ORC3: variants seen among roughly 807,000 people sequenced by gnomAD.
ORC3 encodes the protein origin recognition complex subunit 3.
Under a neutral mutation model 100.7 loss-of-function variants are expected in ORC3, and 78 were observed. The observed-to-expected ratio is 0.77, with a 90% confidence interval of 0.65 to 0.94. ORC3 has a LOEUF of 0.94. Among genes scored for constraint, ORC3 ranks in the 40% least tolerant of loss-of-function variants. The pLI, the probability that ORC3 is intolerant of heterozygous loss-of-function variation, is 0.00. For synonymous variants in ORC3, 295 were observed against 289.3 expected (o/e 1.02, Z -0.20); for missense variants, 789 against 823.9 (o/e 0.96, Z 0.52).
rs1777437921 is a variant in ORC3 at position 87,596,301 on chromosome 6, T to C, written c.79+1894T>C. Among the ~76,000 whole-genome samples, 2 of 152,002 alleles carry C rather than the reference T, an allele frequency of 1.3e-5. 1 individual carries two copies. The highest frequency in any genetic ancestry group is 4.1e-4 in the South Asian group (2 of 4,822). On this transcript the variant is annotated intron_variant, in intron 2 of 19. Transcript: ENST00000392844. ...GGCATGCGCCACAATGCCTGGCTAA[T>C]TTTTGTATTTTTTAGTAGAGATCGG... is the stretch of plus-strand genomic sequence containing the variant.
chr6:87,675,724 T>C, the ORC3 span: 1 of 1,469,074 alleles, frequency 6.8e-7, no homozygotes, highest in Non-Finnish European at 9.4e-7. Context: ...ACTTGCAAAG[T>C]TATGCTGCCT....
At chr6:87,637,444 T>C (rs1767910371) in intron 13 of ORC3, among the ~76,000 whole-genome samples, 1 of 152,246 alleles carries the variant, frequency 6.6e-6, no homozygotes. Context: ...ATTTCATTTT[T>C]TAAAATCCCA....
intron 2 of ORC3, among the ~76,000 whole-genome samples, chr6:87,600,288 A>G (rs574851492): frequency 6.6e-6 from 1 of 152,332 alleles, no homozygotes; most frequent in Non-Finnish European, 1.5e-5. Flanking sequence ...AACAAGAAAT[A>G]TGAGGGAAAG....
At chr6:87,597,562 A>G (rs1198558377) in intron 2 of ORC3, among the ~76,000 whole-genome samples, 1 of 152,166 alleles carries the variant, frequency 6.6e-6, no homozygotes, top group Non-Finnish European at 1.5e-5. Flanking sequence ...GGAATTAAGC[A>G]TACCCATGTA....
chr6:87,634,572 G>C (rs1767669598), intron 11 of ORC3, among the ~76,000 whole-genome samples: 1 of 152,320 alleles, frequency 6.6e-6, no homozygotes, highest in African/African-American at 2.4e-5. Context: ...TGTAATTTTG[G>C]TGGCCAAAGT....
intron 1 of ORC3, among the ~76,000 whole-genome samples, chr6:87,592,655 G>C (rs552628592): frequency 1.3e-5 from 2 of 151,868 alleles, no homozygotes; most frequent in Admixed American, 1.3e-4. Flanking sequence ...AGAATCTAAG[G>C]CACAGTTCTT....
chr6:87,673,178 T>G, the ORC3 span, among the ~76,000 whole-genome samples: 2 of 66,430 alleles, frequency 3.0e-5, no homozygotes, highest in African/African-American at 1.4e-4. Flanking sequence ...TTTTTTTTTT[T>G]GAGACAGAGT....
chr6:87,666,409 T>C (rs1199388873), intron 19 of ORC3, among the ~76,000 whole-genome samples: 3 of 149,218 alleles, frequency 2.0e-5, no homozygotes, highest in East Asian at 2.0e-4. Flanking sequence ...GGATTATAGG[T>C]GTGAGCCACC....
intron 9 of ORC3, among the ~76,000 whole-genome samples, chr6:87,618,906 G>T (rs867357218): frequency 6.7e-4 from 102 of 152,146 alleles, no homozygotes; most frequent in African/African-American, 2.3e-3. Context: ...AAAGAGCAAG[G>T]TTGTTGTGAG....
downstream of ORC3, among the ~76,000 whole-genome samples, chr6:87,667,804 C>CT (rs1439558024): frequency 6.6e-6 from 1 of 152,072 alleles, no homozygotes; most frequent in African/African-American, 2.4e-5. Context: ...TGGCACATGC[C>CT]TGTAGTCCCA....
intron 13 of ORC3, among the ~76,000 whole-genome samples, chr6:87,649,606 C>T (rs898135837): frequency 2.6e-5 from 4 of 152,062 alleles, no homozygotes; most frequent in African/African-American, 9.7e-5. Context: ...AATTAGCCGG[C>T]GTGGCAGTGC....
At chr6:87,624,215 GGCTCACTCCT>G (rs1779730330) in intron 11 of ORC3, among the ~76,000 whole-genome samples, 1 of 152,166 alleles carries the variant, frequency 6.6e-6, no homozygotes, top group Non-Finnish European at 1.5e-5. Flanking sequence ...CAGGCACGGT[GGCTCACTCCT>G]GTAATCCCAG....
chr6:87,607,015 A>T (rs1042686929), intron 5 of ORC3, among the ~76,000 whole-genome samples: 1 of 152,210 alleles, frequency 6.6e-6, no homozygotes, highest in East Asian at 1.9e-4. Flanking sequence ...TTCATATGAC[A>T]CTTGATTTTT....
At chr6:87,637,150 T>C (rs1006963091) in intron 13 of ORC3, among the ~76,000 whole-genome samples, 8 of 152,200 alleles carry the variant, frequency 5.3e-5, no homozygotes, top group African/African-American at 1.9e-4. Context: ...GTTTCGCCAG[T>C]TTTATAATTT....
intron 13 of ORC3, among the ~76,000 whole-genome samples, chr6:87,649,897 ATATAT>A (rs1239622270): frequency 1.5e-4 from 23 of 152,214 alleles, no homozygotes; most frequent in African/African-American, 4.3e-4. Flanking sequence ...GGTCATACAC[ATATAT>A]TATAATGTGT....
chr6:87,605,662 AAG>A (rs1778280174), intron 4 of ORC3, among the ~76,000 whole-genome samples: 1 of 152,112 alleles, frequency 6.6e-6, no homozygotes, highest in South Asian at 2.1e-4. Context: ...AAAAAAAAAA[AAG>A]AAGCTTTCAA....
rs765293848 is a variant in ORC3 at position 87,607,659 on chromosome 6, T to C, written c.428-14T>C. 1.3e-6 allele frequency: 2 copies of C among 1,570,904 alleles called. No homozygotes were observed. Among genetic ancestry groups the C allele is most frequent in the Non-Finnish European group, 1.7e-6 (2 of 1,160,514 alleles). ...GAGGCAGAGATAAGCTTTCTTACTT[T>C]TTATATTCCACAGATATGAAACATT... On this transcript the variant is annotated splice_polypyrimidine_tract_variant and intron_variant, in intron 5 of 19. Transcript: ENST00000392844.
the ORC3 span, chr6:87,675,403 C>A: frequency 1.5e-6 from 1 of 653,896 alleles, no homozygotes; most frequent in Non-Finnish European, 2.7e-6. Flanking sequence ...AGCAAAGGTC[C>A]ACATCCAGGT....
intron 7 of ORC3, 58 bp downstream of exon 7, chr6:87,609,287 T>C: frequency 8.2e-7 from 1 of 1,217,258 alleles, no homozygotes; most frequent in Non-Finnish European, 1.1e-6. Flanking sequence ...AAATACTACT[T>C]TTAACTTGAA....
Sources: gnomAD v4.1 joint callset for allele counts (sites outside exome capture counted in the v4.1 genomes callset) on GRCh38, gnomAD v4.1.1 for gene constraint, MANE v1.5 for transcripts, NCBI Gene and HGNC (gene_info 2026-07-23, HGNC 2026-07-21) for gene names.